The following AGO4 variants were observed in gnomAD, a reference collection of about 807,000 sequenced individuals.
AGO4 encodes the protein argonaute RISC component 4.
A neutral mutation model predicts 104.7 loss-of-function variants in AGO4; 33 were observed. The observed-to-expected ratio is 0.32, with a 90% confidence interval of 0.24 to 0.42. AGO4 has a LOEUF of 0.42. Among genes scored for constraint, AGO4 ranks in the 10% least tolerant of loss-of-function variants. AGO4 has a pLI of 1.00. For missense variants in AGO4, 711 were observed against 1,083.4 expected (o/e 0.66, Z 4.83); for synonymous variants, 331 against 364.7 (o/e 0.91, Z 1.05).
chr1:35,816,937 A>G lies in AGO4; in HGVS notation c.75A>G (p.Gly25=), dbSNP rs767344699. The G allele has an allele frequency of 6.2e-7, 1 of 1,614,026 alleles. No homozygotes were observed. The highest frequency in any genetic ancestry group is 1.1e-5 in the South Asian group (1 of 91,066). ...PPRRPGLGTV[G]KPIRLLANHF... ...GTCGTCCTGGCCTTGGAACTGTTGG[A>G]AAACCAATTCGACTGTTAGCCAATC... The change falls in exon 2 of 18, where the codon GGA becomes GGG. Residue 25 remains glycine, a synonymous_variant. Transcript: ENST00000373210.
At chr1:35,828,235 G>GC (rs1644082227) in intron 7 of AGO4, among the ~76,000 whole-genome samples, 1 of 151,862 alleles carries the variant, frequency 6.6e-6, no homozygotes, top group Non-Finnish European at 1.5e-5. Context: ...GCCCACTGCA[G>GC]CCTCAGCTTC....
chr1:35,812,550 T>C (rs548471661), intron 1 of AGO4, among the ~76,000 whole-genome samples: 2 of 152,322 alleles, frequency 1.3e-5, no homozygotes, highest in Non-Finnish European at 2.9e-5. Flanking sequence ...GATCCAAGTT[T>C]CTGTTTTCAA....
chr1:35,820,899 A>G (rs1643874998), intron 2 of AGO4, among the ~76,000 whole-genome samples: 1 of 152,186 alleles, frequency 6.6e-6, no homozygotes, highest in Non-Finnish European at 1.5e-5. Context: ...TGCTCAATTA[A>G]GACAACCACT....
In AGO4 at chr1:35,835,873, C is replaced by G; in HGVS notation, c.1604C>G (p.Ala535Gly). The change falls in exon 13 of 18, where the codon GCC becomes GGC. Residue 535 changes from alanine to glycine, a missense_variant. Coordinates refer to ENST00000373210, the MANE Select transcript of AGO4 (RefSeq NM_017629.4). ...GTTGGAGATACCCTTCTAGGTATGG[C>G]CACACAGTGTGTCCAGGTAAAAAAT... The part of the protein sequence containing the change: ...KRVGDTLLGM[A>G]TQCVQVKNVV... 3.7e-6 allele frequency: 6 copies of G among 1,613,656 alleles called. No homozygotes were observed. Among genetic ancestry groups the G allele is most frequent in the Non-Finnish European group, 5.1e-6 (6 of 1,179,752 alleles).
Position 35,841,910 on chromosome 1 carries a change from A to G in AGO4, c.2175+160A>G, listed in dbSNP as rs893104079. On this transcript the variant is annotated intron_variant, in intron 15 of 17. Transcript: ENST00000373210. This position sits in a 1 kb window ranked among gnomAD's most constrained non-coding sequence, Gnocchi z 4.7. Reference sequence around the variant, plus strand: ...ATAATTTAACTGCAGTTGGGTTTAGATGACCAATTCTGAATGATACGAGTT... The same window carrying G: ...ATAATTTAACTGCAGTTGGGTTTAGGTGACCAATTCTGAATGATACGAGTT... Among the ~76,000 whole-genome samples, 1 of 151,592 alleles carries G rather than the reference A, an allele frequency of 6.6e-6. No individual in the cohort carries two copies. The highest frequency in any genetic ancestry group is 2.4e-5 in the African/African-American group (1 of 41,270).
intron 15 of AGO4, among the ~76,000 whole-genome samples, chr1:35,845,715 G>C (rs1345122259): frequency 6.6e-6 from 1 of 152,094 alleles, no homozygotes; most frequent in East Asian, 1.9e-4. Context: ...TGTACTCCCA[G>C]TTATCTACCA....
intron 11 of AGO4, 85 bp from the exon 12 acceptor site, chr1:35,833,893 GAATTTACAAAAC>G: frequency 8.8e-7 from 1 of 1,135,206 alleles, no homozygotes; most frequent in Non-Finnish European, 1.2e-6. Context: ...ATTTGGCTAA[GAATTTACAAAAC>G]TGAAGGAAGT....
At chr1:35,830,653 C>G (rs1413830598) in intron 7 of AGO4, among the ~76,000 whole-genome samples, 1 of 152,098 alleles carries the variant, frequency 6.6e-6, no homozygotes, top group Non-Finnish European at 1.5e-5. Flanking sequence ...ACTAAACTTA[C>G]TTAAGTGAAA....
chr1:35,831,577 A>G lies in AGO4; in HGVS notation c.996+3A>G. On this transcript the variant is annotated splice_donor_region_variant and intron_variant, in intron 8 of 17. Coordinates refer to ENST00000373210, the MANE Select transcript of AGO4 (RefSeq NM_017629.4). ...AGCATACATACTTGCCACTCGAGGT[A>G]AGTTAAATTTTCTTTTGCCAATTTG... The G allele has an allele frequency of 3.1e-6, 5 of 1,608,150 alleles. No individual in the cohort carries two copies. Among genetic ancestry groups the G allele is most frequent in the Middle Eastern group, 1.7e-4 (1 of 6,014 alleles).
At chr1:35,833,841 A>C (rs1644242808) in intron 11 of AGO4, 149 bp from the exon 12 acceptor site, 1 of 666,344 alleles carries the variant, frequency 1.5e-6, no homozygotes, top group African/African-American at 1.9e-5. Context: ...CATTTTTGGC[A>C]ACCAGTTAAA....
chr1:35,829,029 C>T (rs11264216), intron 7 of AGO4, among the ~76,000 whole-genome samples: 2 of 149,810 alleles, frequency 1.3e-5, no homozygotes, highest in East Asian at 1.9e-4. Context: ...GAGCCCCCCC[C>T]CCCACACACA....
chr1:35,851,459 A>G (rs1644699884), intron 17 of AGO4, among the ~76,000 whole-genome samples: 2 of 152,214 alleles, frequency 1.3e-5, no homozygotes, highest in South Asian at 4.1e-4. Context: ...ACATTCTGGA[A>G]AAATACCCCA....
chr1:35,841,501 GC>G lies in AGO4; in HGVS notation c.2040+24del, dbSNP rs1275599073. 1 of 1,609,186 alleles carries G rather than the reference GC, an allele frequency of 6.2e-7. No homozygotes were observed. Among genetic ancestry groups the G allele is most frequent in the Non-Finnish European group, 8.5e-7 (1 of 1,176,224 alleles). On this transcript the variant is annotated intron_variant, in intron 14 of 17. Transcript: ENST00000373210. The surrounding 1 kb of genome is among the most constrained non-coding windows in gnomAD (Gnocchi z 4.7). Reference sequence around the variant, plus strand: ...AACAGGTACTCTCATTATCCCTGTTGCCCTTCGGGGCCCCTAGGAGTCTGAG... The same window carrying G: ...AACAGGTACTCTCATTATCCCTGTTGCCTTCGGGGCCCCTAGGAGTCTGAG...
chr1:35,809,637 G>C (rs534656801), intron 1 of AGO4, among the ~76,000 whole-genome samples: 1 of 152,110 alleles, frequency 6.6e-6, no homozygotes, highest in Non-Finnish European at 1.5e-5. Context: ...TATTATGCCA[G>C]GTTAACTTCA....
intron 16 of AGO4, 55 bp from the exon 17 acceptor site, chr1:35,850,799 A>AAC: frequency 9.3e-7 from 1 of 1,071,286 alleles, no homozygotes; most frequent in East Asian, 2.7e-5. Flanking sequence ...AAAAAAAAAA[A>AAC]CAAAAACAAA....
At position 35,808,459 on chromosome 1, in the gene AGO4, G is replaced by T; in HGVS notation, c.19+24G>T. The T allele has an allele frequency of 8.5e-7, 1 of 1,179,672 alleles. No individual in the cohort carries two copies. The highest frequency in any genetic ancestry group is 1.0e-6 in the Non-Finnish European group (1 of 954,180). 73.1% of individuals were successfully genotyped at this position (1,179,672 alleles called of 1,614,324 possible). On this transcript the variant is annotated intron_variant, in intron 1 of 17. Coordinates refer to ENST00000373210, the MANE Select transcript of AGO4 (RefSeq NM_017629.4). This position sits in a 1 kb window ranked among gnomAD's most constrained non-coding sequence, Gnocchi z 5.2. The stretch of plus-strand genomic sequence containing the variant: ...CGGTGAGGAGCGAGCTCGGGTCGGG[G>T]CGGGACCCGGGACCCGGGACCCGGG...
At chr1:35,822,128 C>T (rs181750850) in intron 2 of AGO4, among the ~76,000 whole-genome samples, 1 of 152,128 alleles carries the variant, frequency 6.6e-6, no homozygotes, top group East Asian at 1.9e-4. Context: ...GATCCACCTG[C>T]CTCGGCCTCC....
At chr1:35,847,402 T>C (rs1644597818) in intron 15 of AGO4, among the ~76,000 whole-genome samples, 1 of 152,034 alleles carries the variant, frequency 6.6e-6, no homozygotes, top group African/African-American at 2.4e-5. Flanking sequence ...CCCAGCTAAT[T>C]TTTGGATTTT....
intron 10 of AGO4, 60 bp from the exon 11 acceptor site, chr1:35,832,377 G>A: frequency 2.7e-6 from 4 of 1,508,702 alleles, no homozygotes; most frequent in South Asian, 2.6e-5. Flanking sequence ...AGATTGTAAT[G>A]TCTTTTCTCT....
Sources: gnomAD v4.1 joint callset for allele counts (sites outside exome capture counted in the v4.1 genomes callset) on GRCh38, gnomAD v4.1.1 for gene constraint, Gnocchi (gnomAD v3.1) non-coding constraint, MANE v1.5 for transcripts, NCBI Gene and HGNC (gene_info 2026-07-23, HGNC 2026-07-21) for gene names.